The following RORA variants were observed in gnomAD, a reference collection of about 807,000 sequenced individuals.
RORA encodes RAR related orphan receptor A.
In RORA, 7 loss-of-function variants were observed where a neutral mutation model predicts 69.5. The ratio of observed to expected loss-of-function variants is 0.10; its 90% CI spans 0.06 to 0.19. The LOEUF (loss-of-function observed/expected upper bound fraction) is 0.19. Among genes scored for constraint, RORA ranks in the 10% least tolerant of loss-of-function variants. RORA has a pLI of 1.00. For missense variants in RORA, 457 were observed against 663.0 expected (o/e 0.69, Z 3.41); for synonymous variants, 261 against 240.8 (o/e 1.08, Z -0.78).
At chr15:60,640,306 A>G (rs1479182940) in intron 2 of RORA, among the ~76,000 whole-genome samples, 1 of 152,176 alleles carries the variant, frequency 6.6e-6, no homozygotes, top group African/African-American at 2.4e-5. Flanking sequence ...CCTCCGGAAT[A>G]TATTTAGAAT....
intron 1 of RORA, among the ~76,000 whole-genome samples, chr15:60,861,183 C>A (rs976884320): frequency 1.3e-5 from 2 of 152,166 alleles, no homozygotes; most frequent in Non-Finnish European, 2.9e-5. Flanking sequence ...GAGGAAATCA[C>A]ACATGTAGGT....
chr15:60,668,866 C>A (rs2070421253), intron 2 of RORA, among the ~76,000 whole-genome samples: 1 of 152,086 alleles, frequency 6.6e-6, no homozygotes, highest in African/African-American at 2.4e-5. Flanking sequence ...AAGAAATATC[C>A]ATAATGAGAA....
At chr15:61,202,305 C>T (rs985519147) in intron 1 of RORA, among the ~76,000 whole-genome samples, 2 of 152,122 alleles carry the variant, frequency 1.3e-5, no homozygotes, top group African/African-American at 4.8e-5. Context: ...ACACTGCTCC[C>T]GGCCCAACCC....
At chr15:60,639,219 ATTTTTTTT>A (rs71122868) in intron 2 of RORA, among the ~76,000 whole-genome samples, 1 of 131,342 alleles carries the variant, frequency 7.6e-6, no homozygotes, top group Non-Finnish European at 1.6e-5. Flanking sequence ...AGGTTTTTGT[ATTTTTTTT>A]TTTTTTTTTT....
intron 1 of RORA, among the ~76,000 whole-genome samples, chr15:60,811,136 A>C (rs2072737759): frequency 6.6e-6 from 1 of 152,210 alleles, no homozygotes; most frequent in Non-Finnish European, 1.5e-5. Flanking sequence ...GTCCAGAGAC[A>C]CTCAGTTTCA....
intron 2 of RORA, among the ~76,000 whole-genome samples, chr15:60,542,461 TCACA>T (rs1022150443): frequency 2.8e-5 from 4 of 143,828 alleles, no homozygotes; most frequent in African/African-American, 5.5e-5. Context: ...CAGGCACACC[TCACA>T]CACACGGCAC....
At chr15:61,172,940 C>T (rs890762513) in intron 1 of RORA, among the ~76,000 whole-genome samples, 2 of 152,110 alleles carry the variant, frequency 1.3e-5, no homozygotes, top group South Asian at 2.1e-4. Flanking sequence ...AAGCCTCCTG[C>T]GTTATTACTA....
intron 2 of RORA, among the ~76,000 whole-genome samples, chr15:60,609,441 T>C (rs2069031867): frequency 6.6e-6 from 1 of 152,182 alleles, no homozygotes; most frequent in Non-Finnish European, 1.5e-5. Flanking sequence ...GTATAGGGAA[T>C]GACAGACCCA....
intron 1 of RORA, among the ~76,000 whole-genome samples, chr15:61,227,203 C>A (rs1350705725): frequency 8.7e-6 from 1 of 115,196 alleles, no homozygotes; most frequent in Non-Finnish European, 1.9e-5. Flanking sequence ...CTATGTCCCC[C>A]CCATTCCAAA....
At chr15:60,778,656 C>A (rs530495941) in intron 1 of RORA, among the ~76,000 whole-genome samples, 8 of 152,300 alleles carry the variant, frequency 5.3e-5, no homozygotes, top group South Asian at 4.2e-4. Flanking sequence ...TGAGAACTGA[C>A]AGCTCCCTTT....
intron 2 of RORA, chr15:60,614,952 G>C (rs780879184): frequency 6.2e-7 from 1 of 1,614,010 alleles, no homozygotes; most frequent in Non-Finnish European, 8.5e-7. Flanking sequence ...TAAAGTTCTT[G>C]GCTGTGGCTC....
At chr15:61,187,999 T>A (rs1187827552) in intron 1 of RORA, among the ~76,000 whole-genome samples, 1 of 152,156 alleles carries the variant, frequency 6.6e-6, no homozygotes, top group African/African-American at 2.4e-5. Context: ...CCAGGCCTTC[T>A]TCCTCTGCCC....
At chr15:60,516,041 ATATATT>A (rs1425924496) in intron 3 of RORA, among the ~76,000 whole-genome samples, 3 of 4,664 alleles carry the variant, frequency 6.4e-4, no homozygotes, top group Non-Finnish European at 8.0e-4. Context: ...ATATATATTT[ATATATT>A]TATATATATT....
At position 60,836,686 on chromosome 15, in the gene RORA, T is replaced by C. The variant is rs112376910; in HGVS notation, c.167-158000A>G. 6.6e-3 allele frequency among the ~76,000 whole-genome samples: 1,011 copies of C among 152,252 alleles called. 15 individuals are homozygous for C. The highest frequency in any genetic ancestry group is 0.023 in the African/African-American group (964 of 41,528). On this transcript the variant is annotated intron_variant, in intron 1 of 10. Transcript: ENST00000335670. ...TTGCCTAACCTACTGTTTCCCAGGTTTTCCGTCTTAGCTGGAGACGCCTCC... is the reference window on the plus strand; with the variant it reads ...TTGCCTAACCTACTGTTTCCCAGGTCTTCCGTCTTAGCTGGAGACGCCTCC...
intron 1 of RORA, among the ~76,000 whole-genome samples, chr15:60,919,476 A>T (rs1227527099): frequency 6.6e-6 from 1 of 152,242 alleles, no homozygotes; most frequent in Non-Finnish European, 1.5e-5. Flanking sequence ...TGATGCCTCA[A>T]AATTGAGACT....
intron 1 of RORA, among the ~76,000 whole-genome samples, chr15:61,016,725 A>C (rs1032515353): frequency 2.6e-5 from 4 of 152,132 alleles, no homozygotes; most frequent in African/African-American, 9.7e-5. Flanking sequence ...AGAATAGCTG[A>C]ATGTGGTGAA....
intron 1 of RORA, among the ~76,000 whole-genome samples, chr15:60,939,773 C>T (rs997336728): frequency 1.4e-4 from 21 of 152,188 alleles, no homozygotes; most frequent in African/African-American, 5.1e-4. Flanking sequence ...GCCCTGTACC[C>T]CTGCAATGTT....
At chr15:61,132,280 G>GTTT (rs147318407) in intron 1 of RORA, among the ~76,000 whole-genome samples, 14 of 149,014 alleles carry the variant, frequency 9.4e-5, no homozygotes, top group African/African-American at 3.4e-4. Flanking sequence ...AAATTATTAG[G>GTTT]TTTTTTTTTT....
chr15:60,957,709 G>A (rs888617649), intron 1 of RORA, among the ~76,000 whole-genome samples: 3 of 152,188 alleles, frequency 2.0e-5, no homozygotes, highest in Admixed American at 6.5e-5. Flanking sequence ...ATCTTAAAGG[G>A]TAAGAGCTAG....
Sources: gnomAD v4.1 joint callset for allele counts (sites outside exome capture counted in the v4.1 genomes callset) on GRCh38, gnomAD v4.1.1 for gene constraint, MANE v1.5 for transcripts, NCBI Gene and HGNC (gene_info 2026-07-23, HGNC 2026-07-21) for gene names.